ARSK: variants seen among roughly 807,000 people sequenced by gnomAD.
ARSK encodes the protein arylsulfatase family member K.
A neutral mutation model predicts 53.2 loss-of-function variants in ARSK; 37 were observed. That is an observed-to-expected ratio of 0.70 (90% CI 0.54 to 0.92). The LOEUF (loss-of-function observed/expected upper bound fraction) is 0.92, where lower values mean the gene tolerates loss of function less well. Among genes scored for constraint, ARSK ranks in the 40% least tolerant of loss-of-function variants. ARSK has a pLI of 0.00. For synonymous variants in ARSK, 208 were observed against 223.2 expected (o/e 0.93, Z 0.61); for missense variants, 613 against 643.0 (o/e 0.95, Z 0.51).
At position 95,600,684 on chromosome 5, in the gene ARSK, G is replaced by A. The variant is rs1380296049; in HGVS notation, c.1097-163G>A. ...TGCTGAAGTCCACATGGCCAGTGGG[G>A]TAAGCATGTGAATTTTGGCAGCCTG... On this transcript the variant is annotated intron_variant, in intron 6 of 7. Transcript: ENST00000380009. 5.4e-6 allele frequency: 4 copies of A among 743,108 alleles called. No homozygotes were observed. The Middle Eastern group carries it at 9.0e-4, about 167-fold the overall frequency. 46.0% of individuals were successfully genotyped at this position (743,108 alleles called of 1,614,324 possible). A position where few individuals can be genotyped will look rare whatever the true frequency, so the allele number is the denominator to read the frequency against.
intron 5 of ARSK, among the ~76,000 whole-genome samples, chr5:95,587,407 C>A (rs1749136869): frequency 6.6e-6 from 1 of 152,090 alleles, no homozygotes. Context: ...AAAGTAATGT[C>A]ATTTATTTTG....
In ARSK at chr5:95,576,262, G is replaced by A. The variant is rs139457065; in HGVS notation, c.417-6654G>A. Among the ~76,000 whole-genome samples, 283 of 144,844 alleles carry A rather than the reference G, an allele frequency of 2.0e-3. 3 individuals are homozygous for A. The highest frequency in any genetic ancestry group is 7.1e-3 in the African/African-American group (273 of 38,190). On this transcript the variant is annotated intron_variant, in intron 3 of 7. Coordinates refer to ENST00000380009, the MANE Select transcript of ARSK (RefSeq NM_198150.3). ...TCACTAGGCTGGAGTGCAGTGGCAC[G>A]ATCTCAGCTCACTGCAACCTCCACC... is the stretch of plus-strand genomic sequence containing the variant.
Position 95,600,917 on chromosome 5 carries a change from T to G in ARSK, c.1167T>G (p.Phe389Leu). Residue 389 changes from phenylalanine to leucine, a missense_variant, in exon 7 of 8, where the codon TTT becomes TTG. Physicochemically the swap from Phe to Leu is conservative, Grantham distance 22. Coordinates refer to ENST00000380009, the MANE Select transcript of ARSK (RefSeq NM_198150.3). ...YSLLPLSSET[F>L]KNEHKVKNLH... The stretch of plus-strand genomic sequence containing the variant: ...TGTTGCCGTTATCATCAGAAACATT[T>G]AAGAATGAACATAAAGTCAAAAACC... The G allele has an allele frequency of 6.2e-7, 1 of 1,614,112 alleles. No homozygotes were observed. Among genetic ancestry groups the G allele is most frequent in the East Asian group, 2.2e-5 (1 of 44,880 alleles).
intron 1 of ARSK, chr5:95,556,501 T>C (rs575498512): frequency 4.9e-6 from 2 of 411,022 alleles, no homozygotes; most frequent in East Asian, 4.3e-5. Flanking sequence ...CACCTGCATG[T>C]TGGATGGCCA....
In ARSK at chr5:95,555,515, T is replaced by G. The variant is rs2112403142; in HGVS notation, c.126+111T>G. 8.6e-7 allele frequency: 1 copy of G among 1,167,990 alleles called. No individual in the cohort carries two copies. The highest frequency in any genetic ancestry group is 3.1e-4 in the Middle Eastern group (1 of 3,180). 72.4% of individuals were successfully genotyped at this position (1,167,990 alleles called of 1,614,324 possible). A position where few individuals can be genotyped will look rare whatever the true frequency, so the allele number is the denominator to read the frequency against. On this transcript the variant is annotated intron_variant, in intron 1 of 7. Transcript: ENST00000380009. This position sits in a 1 kb window ranked among gnomAD's most constrained non-coding sequence, Gnocchi z 4.0. ...AGAACCTGAGACATTTTCAAACACCTTTTACCCCGATGCAAAGAAAGAAAT... is the reference window on the plus strand; with the variant it reads ...AGAACCTGAGACATTTTCAAACACCGTTTACCCCGATGCAAAGAAAGAAAT...
At chr5:95,557,057 A>AT (rs1249481574) in intron 1 of ARSK, 6 of 151,946 alleles carry the variant, frequency 3.9e-5, no homozygotes, top group Non-Finnish European at 7.4e-5. Context: ...AAAATAAAAA[A>AT]TAAAAAAAAT....
intron 3 of ARSK, among the ~76,000 whole-genome samples, chr5:95,578,319 G>A (rs924564007): frequency 4.0e-5 from 6 of 148,842 alleles, no homozygotes; most frequent in Non-Finnish European, 8.9e-5. Context: ...GCCCAGTGAA[G>A]AATTTTTTTT....
At chr5:95,574,728 A>G (rs564863966) in intron 3 of ARSK, among the ~76,000 whole-genome samples, 96 of 152,066 alleles carry the variant, frequency 6.3e-4, no homozygotes, top group African/African-American at 2.3e-3. Flanking sequence ...AGCTCCTTAT[A>G]TATTCTGGTT....
At position 95,567,512 on chromosome 5, in the gene ARSK, T is replaced by C. The variant is rs559299142; in HGVS notation, c.257-378T>C. On this transcript the variant is annotated intron_variant, in intron 2 of 7. Transcript: ENST00000380009. ...GAATAAGGGAAGATCCTTAAGGATG[T>C]TGGGGAAATGAGATCTGTACTTCAA... Among the ~76,000 whole-genome samples, 10 of 152,330 alleles carry C rather than the reference T, an allele frequency of 6.6e-5. No homozygotes were observed. The East Asian group carries it at 1.9e-3, about 29-fold the overall frequency.
intron 6 of ARSK, among the ~76,000 whole-genome samples, chr5:95,599,339 G>T (rs547389129): frequency 6.6e-6 from 1 of 152,256 alleles, no homozygotes; most frequent in African/African-American, 2.4e-5. Context: ...ACAAGAACTT[G>T]CCATAGTCAT....
At chr5:95,563,052 C>T (rs372638975) in intron 1 of ARSK, among the ~76,000 whole-genome samples, 4 of 152,224 alleles carry the variant, frequency 2.6e-5, no homozygotes, top group African/African-American at 4.8e-5. Flanking sequence ...TTCTACTGAC[C>T]GTCTCCCATT....
At chr5:95,588,416 TA>T (rs1255613384) in intron 5 of ARSK, among the ~76,000 whole-genome samples, 1 of 151,904 alleles carries the variant, frequency 6.6e-6, no homozygotes, top group Non-Finnish European at 1.5e-5. Context: ...TTTGTATTTT[TA>T]GTAGAGACGG....
intron 3 of ARSK, among the ~76,000 whole-genome samples, chr5:95,581,754 A>AAG (rs145545812): frequency 0.19 from 28,684 of 152,000 alleles, 3,989 homozygotes; most frequent in African/African-American, 0.39. Flanking sequence ...ATTTAAGCAA[A>AAG]ATGAGACGCC....
chr5:95,583,158 G>A lies in ARSK; in HGVS notation c.659G>A (p.Gly220Glu), dbSNP rs747692703. 7.5e-6 allele frequency: 12 copies of A among 1,594,214 alleles called. No individual in the cohort carries two copies. Among genetic ancestry groups the A allele is most frequent in the East Asian group, 2.2e-5 (1 of 44,594 alleles). Reference sequence around the variant, plus strand: ...TCACCATCTTCTGGAGAAAATTTTGGATCTTCAACATTTCACACATCTCTT... The same window carrying A: ...TCACCATCTTCTGGAGAAAATTTTGAATCTTCAACATTTCACACATCTCTT... ...YPSPSSGENFGSSTFHTSLYW... is the reference protein window; with the variant it reads ...YPSPSSGENFESSTFHTSLYW... Residue 220 changes from glycine (G) to glutamate (E), a missense_variant, in exon 4 of 8, where the codon GGA (glycine) becomes GAA (glutamate). Gly to Glu is a moderately conservative substitution (Grantham distance 98, BLOSUM62 -2). Coordinates refer to ENST00000380009, the MANE Select transcript of ARSK (RefSeq NM_198150.3).
At chr5:95,601,892 G>C (rs1269766242) in intron 7 of ARSK, among the ~76,000 whole-genome samples, 1 of 152,080 alleles carries the variant, frequency 6.6e-6, no homozygotes, top group Non-Finnish European at 1.5e-5. Context: ...GGCATCTCTT[G>C]CTTGTTCATT....
intron 1 of ARSK, among the ~76,000 whole-genome samples, chr5:95,558,112 C>T (rs1007918664): frequency 4.6e-5 from 7 of 152,324 alleles, no homozygotes; most frequent in Admixed American, 4.6e-4. Context: ...TGAGATTTCT[C>T]ATCTTCTCCT....
At chr5:95,601,600 T>C (rs1435785214) in intron 7 of ARSK, among the ~76,000 whole-genome samples, 1 of 152,204 alleles carries the variant, frequency 6.6e-6, no homozygotes, top group East Asian at 1.9e-4. Context: ...TTACAGCTTC[T>C]AAAAAATGTC....
intron 6 of ARSK, among the ~76,000 whole-genome samples, chr5:95,594,232 C>T (rs1026522804): frequency 3.9e-5 from 6 of 151,932 alleles, no homozygotes; most frequent in Non-Finnish European, 8.8e-5. Flanking sequence ...AGAAAGAGAA[C>T]AATGCAACAA....
intron 1 of ARSK, among the ~76,000 whole-genome samples, chr5:95,560,839 C>CT (rs1370350614): frequency 7.4e-6 from 1 of 135,802 alleles, no homozygotes; most frequent in Non-Finnish European, 1.5e-5. Flanking sequence ...GAGTCTCGCT[C>CT]TGTCACCCAG....
Sources: gnomAD v4.1 joint callset for allele counts (sites outside exome capture counted in the v4.1 genomes callset) on GRCh38, gnomAD v4.1.1 for gene constraint, Gnocchi (gnomAD v3.1) non-coding constraint, MANE v1.5 for transcripts, NCBI Gene and HGNC (gene_info 2026-07-23, HGNC 2026-07-21) for gene names.